Variants in ABLIM1 observed in about 807,000 individuals in gnomAD.
ABLIM1 encodes actin-binding LIM protein 1.
A neutral mutation model predicts 107.0 loss-of-function variants in ABLIM1; 40 were observed. The observed-to-expected ratio is 0.37, with a 90% confidence interval of 0.29 to 0.49. The LOEUF is 0.49. ABLIM1 is among the 20% of genes least tolerant of loss of function. The pLI, the probability that ABLIM1 is intolerant of heterozygous loss-of-function variation, is 0.97. For synonymous variants in ABLIM1, 357 were observed against 357.3 expected (o/e 1.00, Z 0.01); for missense variants, 857 against 1,008.5 (o/e 0.85, Z 2.04).
chr10:114,782,460 G>A, the ABLIM1 span, among the ~76,000 whole-genome samples: 405 of 152,234 alleles, frequency 2.7e-3, 6 homozygotes, highest in African/African-American at 9.0e-3. Flanking sequence ...AAAGCTATAC[G>A]TGAGATGGAG....
chr10:114,539,674 T>G (rs1188886020), intron 6 of ABLIM1, among the ~76,000 whole-genome samples: 1 of 152,208 alleles, frequency 6.6e-6, no homozygotes, highest in Admixed American at 6.5e-5. Context: ...GCTGTTTCTT[T>G]TCTTTATGAG....
chr10:114,486,695 A>G (rs2058236831), intron 8 of ABLIM1, among the ~76,000 whole-genome samples: 1 of 150,110 alleles, frequency 6.7e-6, no homozygotes, highest in Non-Finnish European at 1.5e-5. Flanking sequence ...TTATTTAATT[A>G]TTCAGAGAAA....
intron 18 of ABLIM1, 83 bp downstream of exon 18, chr10:114,441,639 C>G (rs1284174794): frequency 3.9e-6 from 5 of 1,277,422 alleles, no homozygotes; most frequent in Non-Finnish European, 5.7e-6. Context: ...AAGAGTCAGA[C>G]GTATTCAGGC....
intron 8 of ABLIM1, among the ~76,000 whole-genome samples, chr10:114,475,402 A>T (rs919119070): frequency 6.6e-6 from 1 of 152,110 alleles, no homozygotes; most frequent in African/African-American, 2.4e-5. Context: ...TCATGAGTAA[A>T]ATGTGTAATT....
At chr10:114,534,378 G>A (rs950228044) in intron 6 of ABLIM1, among the ~76,000 whole-genome samples, 44 of 152,066 alleles carry the variant, frequency 2.9e-4, no homozygotes, top group South Asian at 4.2e-4. Context: ...TGCACTTGGT[G>A]GTAACTTGTC....
At position 114,711,878 on chromosome 10, in the gene ABLIM1, G is replaced by A. The variant is rs911552810; in HGVS notation, c.-213+56183C>T. Among the ~76,000 whole-genome samples the A allele has an allele frequency of 4.6e-5, 7 of 152,170 alleles. No homozygotes were observed. In the Middle Eastern group the frequency reaches 0.017, roughly 370 times the overall value. ...TCAGATATCCTGCTAAGTGCCCCCC[G>A]CACCAACTGGGCCCAACTTGAAGCA... On this transcript the variant is annotated intron_variant, in intron 1 of 15. Coordinates refer to the ABLIM1 transcript ENST00000651092.
chr10:114,681,075 G>A (rs2080727231), intron 1 of ABLIM1, among the ~76,000 whole-genome samples: 1 of 152,238 alleles, frequency 6.6e-6, no homozygotes, highest in Non-Finnish European at 1.5e-5. Flanking sequence ...GCCACAATCA[G>A]TGAAGTGGCT....
chr10:114,796,154 T>G, the ABLIM1 span, among the ~76,000 whole-genome samples: 1 of 152,182 alleles, frequency 6.6e-6, no homozygotes, highest in African/African-American at 2.4e-5. Flanking sequence ...TCAGTATTAT[T>G]TATCTATTGC....
At chr10:114,522,996 C>T (rs2063991564) in intron 6 of ABLIM1, among the ~76,000 whole-genome samples, 1 of 152,026 alleles carries the variant, frequency 6.6e-6, no homozygotes, top group Non-Finnish European at 1.5e-5. Flanking sequence ...ACTAAAAACA[C>T]AAAAAATTAG....
intron 1 of ABLIM1, among the ~76,000 whole-genome samples, chr10:114,732,698 T>C (rs961495397): frequency 6.6e-6 from 1 of 152,172 alleles, no homozygotes; most frequent in Non-Finnish European, 1.5e-5. Flanking sequence ...TATGCTACCA[T>C]GGTATCTTTT....
At chr10:114,658,422 C>G, upstream of ABLIM1, 1 of 696,052 alleles carries the variant, frequency 1.4e-6, no homozygotes, top group Non-Finnish European at 2.0e-6. Flanking sequence ...ACCAGGAACT[C>G]GAGACTTTCA....
chr10:114,703,237 A>G (rs891310176), intron 1 of ABLIM1, among the ~76,000 whole-genome samples: 7 of 152,174 alleles, frequency 4.6e-5, no homozygotes, highest in African/African-American at 1.7e-4. Flanking sequence ...CATCCTCTCC[A>G]TCCATTGATC....
intron 12 of ABLIM1, among the ~76,000 whole-genome samples, chr10:114,461,077 T>C (rs771176895): frequency 9.9e-5 from 15 of 152,154 alleles, no homozygotes; most frequent in Non-Finnish European, 2.1e-4. Flanking sequence ...TTTTGTTTTT[T>C]TTTTGAGACA....
intron 11 of ABLIM1, among the ~76,000 whole-genome samples, chr10:114,467,135 G>A (rs1053339182): frequency 6.6e-6 from 1 of 152,056 alleles, no homozygotes; most frequent in Admixed American, 6.6e-5. Flanking sequence ...CCCCAGCCTG[G>A]GCAACAGAGT....
At chr10:114,601,355 C>G (rs1190096021) in intron 2 of ABLIM1, among the ~76,000 whole-genome samples, 6 of 151,688 alleles carry the variant, frequency 4.0e-5, no homozygotes, top group African/African-American at 1.5e-4. Flanking sequence ...ACCTCTGCCT[C>G]CCGGGTTCAA....
intron 1 of ABLIM1, among the ~76,000 whole-genome samples, chr10:114,703,893 C>T (rs902464394): frequency 3.9e-5 from 6 of 152,182 alleles, no homozygotes; most frequent in African/African-American, 1.4e-4. Context: ...TTTCTCACTA[C>T]ACGTGAGCTT....
intron 14 of ABLIM1, among the ~76,000 whole-genome samples, chr10:114,451,115 A>G (rs2061817266): frequency 6.6e-6 from 1 of 152,166 alleles, no homozygotes; most frequent in African/African-American, 2.4e-5. Flanking sequence ...GTGGGAGCAG[A>G]GCCTTGACCT....
At position 114,752,594 on chromosome 10, in the gene ABLIM1, C is replaced by T. The variant is rs193231943; in HGVS notation, c.-213+15467G>A. Among the ~76,000 whole-genome samples the T allele has an allele frequency of 1.4e-3, 210 of 152,322 alleles. 1 individual carries two copies. The highest frequency in any genetic ancestry group is 4.8e-3 in the African/African-American group (198 of 41,572). On this transcript the variant is annotated intron_variant, in intron 1 of 15. Transcript: ENST00000651092. ...TTTCCTAAAGCTCTTCCTCCCCCAA[C>T]CCCACCTGCCAACAGGCCCCAGTGT...
At chr10:114,646,073 C>T (rs1566170055) in intron 1 of ABLIM1, among the ~76,000 whole-genome samples, 1 of 152,148 alleles carries the variant, frequency 6.6e-6, no homozygotes. Context: ...CTTTCTCTCA[C>T]TATCTCTAGC....
Sources: allele counts gnomAD v4.1 joint callset (sites outside exome capture counted in the v4.1 genomes callset), GRCh38; gene constraint gnomAD v4.1.1; transcripts MANE v1.5; gene names NCBI Gene and HGNC (gene_info 2026-07-23, HGNC 2026-07-21).